ABLIM1: variants seen among roughly 807,000 people sequenced by gnomAD.
ABLIM1 encodes actin binding LIM protein 1, also known as actin-binding LIM protein 1.
In ABLIM1, 40 loss-of-function variants were observed where a neutral mutation model predicts 107.0. The ratio of observed to expected loss-of-function variants is 0.37; its 90% CI spans 0.29 to 0.49. ABLIM1 has a LOEUF of 0.49. Among genes scored for constraint, ABLIM1 ranks in the 20% least tolerant of loss-of-function variants. The pLI, the probability that ABLIM1 is intolerant of heterozygous loss-of-function variation, is 0.97. For synonymous variants in ABLIM1, 357 were observed against 357.3 expected, an observed-to-expected ratio of 1.00 and a Z score of 0.01; for missense variants, 857 against 1,008.5, an observed-to-expected ratio of 0.85 and a Z score of 2.04.
At chr10:114,500,128 G>A (rs1178115118) in intron 6 of ABLIM1, among the ~76,000 whole-genome samples, 1 of 152,226 alleles carries the variant, frequency 6.6e-6, no homozygotes, top group East Asian at 1.9e-4. Flanking sequence ...AGAACATCCT[G>A]TAGCCCTACA....
chr10:114,640,729 T>G (rs1271417042), intron 1 of ABLIM1, among the ~76,000 whole-genome samples: 2 of 152,220 alleles, frequency 1.3e-5, no homozygotes, highest in Non-Finnish European at 2.9e-5. Context: ...CTTTGCACAA[T>G]AAAAGGTAAA....
chr10:114,725,881 A>T lies in ABLIM1; in HGVS notation c.-213+42180T>A, dbSNP rs117146250. Among the ~76,000 whole-genome samples, 1,233 of 151,836 alleles carry T rather than the reference A, an allele frequency of 8.1e-3. 9 individuals are homozygous for T. The highest frequency in any genetic ancestry group is 0.014 in the Non-Finnish European group (932 of 67,944). On this transcript the variant is annotated intron_variant, in intron 1 of 15. Transcript: ENST00000651092. ...TACCTCAGCCTCTCAGAGCAGCTGG[A>T]ACTACAGGTGCACACCACCATGCAC...
chr10:114,787,851 G>A, the ABLIM1 span, among the ~76,000 whole-genome samples: 4 of 148,232 alleles, frequency 2.7e-5, no homozygotes, highest in African/African-American at 7.4e-5. Flanking sequence ...CATTGAGAAC[G>A]GGCCATGATG....
intron 1 of ABLIM1, among the ~76,000 whole-genome samples, chr10:114,753,900 G>A (rs1348997717): frequency 1.3e-5 from 2 of 152,160 alleles, no homozygotes; most frequent in East Asian, 3.8e-4. Flanking sequence ...CGCCCAGGCT[G>A]GATTGCAATG....
chr10:114,733,290 C>G (rs2082113552), intron 1 of ABLIM1, among the ~76,000 whole-genome samples: 1 of 152,126 alleles, frequency 6.6e-6, no homozygotes, highest in African/African-American at 2.4e-5. Context: ...ACAGGGAAAA[C>G]AGCAACTATT....
intron 6 of ABLIM1, among the ~76,000 whole-genome samples, chr10:114,540,689 C>G (rs2066547306): frequency 6.6e-6 from 1 of 152,192 alleles, no homozygotes; most frequent in Non-Finnish European, 1.5e-5. Flanking sequence ...CTTTCTCTTT[C>G]TCAAAGGTCC....
At chr10:114,719,237 T>A (rs988644702) in intron 1 of ABLIM1, among the ~76,000 whole-genome samples, 1 of 152,254 alleles carries the variant, frequency 6.6e-6, no homozygotes, top group Non-Finnish European at 1.5e-5. Context: ...AAGATTTCTC[T>A]GTAAAATGTG....
chr10:114,440,752 T>A (rs1355616895), intron 19 of ABLIM1: 4 of 559,150 alleles, frequency 7.2e-6, no homozygotes, highest in Non-Finnish European at 1.4e-5. Flanking sequence ...TGAGCCACCA[T>A]GCCTGGCCTC....
chr10:114,703,372 T>C (rs1025204957), intron 1 of ABLIM1, among the ~76,000 whole-genome samples: 3 of 152,234 alleles, frequency 2.0e-5, no homozygotes, highest in Admixed American at 6.5e-5. Context: ...ACCTTGACTA[T>C]GGCATGTTCG....
intron 6 of ABLIM1, among the ~76,000 whole-genome samples, chr10:114,534,168 A>G (rs908436367): frequency 3.9e-5 from 6 of 152,270 alleles, no homozygotes; most frequent in Admixed American, 1.3e-4. Context: ...TGGTAAAAGA[A>G]GAGGTAAGCA....
chr10:114,590,542 G>A (rs918680386), intron 2 of ABLIM1, among the ~76,000 whole-genome samples: 14 of 152,102 alleles, frequency 9.2e-5, no homozygotes, highest in South Asian at 4.1e-4. Context: ...GAGGTTCTCC[G>A]TACTTCTCAC....
rs1398511594 is a variant in ABLIM1 at position 114,487,959 on chromosome 10, C to T, written c.1040G>A (p.Arg347Gln). The T allele has an allele frequency of 7.4e-6, 12 of 1,614,082 alleles. No individual in the cohort carries two copies. In the East Asian group the frequency reaches 8.9e-5, roughly 12 times the overall value. The change falls in exon 8 of 23, where the codon CGG (arginine) becomes CAG (glutamine). Residue 347 changes from arginine (R) to glutamine (Q), a missense_variant and splice_region_variant. Physicochemically the swap from Arg to Gln is conservative, Grantham distance 43. Coordinates refer to ENST00000533213, the MANE Select transcript of ABLIM1 (RefSeq NM_002313.7). ...ATCATGTTTTAATTGTGTCCTTACC[C>T]GCAGCTTTTCCTCGGTCTTCGTAGA... ...KQSTKTEEKLRPTRTSSESIY... is the reference protein window; with the variant it reads ...KQSTKTEEKLQPTRTSSESIY...
At chr10:114,546,579 G>A (rs1414144926) in intron 5 of ABLIM1, among the ~76,000 whole-genome samples, 1 of 152,100 alleles carries the variant, frequency 6.6e-6, no homozygotes, top group Non-Finnish European at 1.5e-5. Context: ...ACAGGCATGA[G>A]CCACCGCACC....
chr10:114,611,051 G>A (rs2076774164), intron 1 of ABLIM1, among the ~76,000 whole-genome samples: 1 of 151,984 alleles, frequency 6.6e-6, no homozygotes, highest in South Asian at 2.1e-4. Flanking sequence ...TACTCAGGAG[G>A]CTGGGGCAGA....
At chr10:114,624,002 C>G (rs1440211122) in intron 1 of ABLIM1, among the ~76,000 whole-genome samples, 1 of 152,176 alleles carries the variant, frequency 6.6e-6, no homozygotes, top group African/African-American at 2.4e-5. Flanking sequence ...CAAATTTTCG[C>G]TCTCCCCACT....
chr10:114,624,447 A>C (rs1227547491), intron 1 of ABLIM1, among the ~76,000 whole-genome samples: 2 of 152,222 alleles, frequency 1.3e-5, no homozygotes, highest in Non-Finnish European at 2.9e-5. Flanking sequence ...CTTTAAAAGA[A>C]ACTCTCTGTG....
intron 1 of ABLIM1, chr10:114,632,852 AC>A: frequency 1.1e-6 from 1 of 933,544 alleles, no homozygotes; most frequent in Non-Finnish European, 1.3e-6. Context: ...TCGGTCCACC[AC>A]CAGGATCAGC....
intron 1 of ABLIM1, among the ~76,000 whole-genome samples, chr10:114,633,938 AG>A (rs2078327222): frequency 6.6e-6 from 1 of 151,668 alleles, no homozygotes; most frequent in Non-Finnish European, 1.5e-5. Context: ...CTGTCTCCAA[AG>A]CTCTCATGTT....
At chr10:114,647,165 T>C (rs1051412799) in intron 1 of ABLIM1, among the ~76,000 whole-genome samples, 7 of 152,022 alleles carry the variant, frequency 4.6e-5, no homozygotes, top group Non-Finnish European at 1.0e-4. Context: ...CCAGCTCATT[T>C]TTTTGTATTT....
Sources: gnomAD v4.1 joint callset for allele counts (sites outside exome capture counted in the v4.1 genomes callset) on GRCh38, gnomAD v4.1.1 for gene constraint, MANE v1.5 for transcripts, NCBI Gene and HGNC (gene_info 2026-07-23, HGNC 2026-07-21) for gene names.